TANGO2: variants seen among roughly 807,000 people sequenced by gnomAD.
TANGO2 encodes transport and Golgi organization protein 2 homolog.
In TANGO2, 26 loss-of-function variants were observed where a neutral mutation model predicts 39.1. The ratio of observed to expected loss-of-function variants is 0.67; its 90% CI spans 0.49 to 0.92. TANGO2 has a LOEUF of 0.92. Ranked by LOEUF, TANGO2 falls within the 40% of genes least tolerant of loss-of-function variation. The probability of loss-of-function intolerance (pLI) is 0.00; values close to 1 mark genes in which losing one functional copy is unlikely to be tolerated. For missense variants in TANGO2, 326 were observed against 360.1 expected (o/e 0.91, Z 0.77); for synonymous variants, 131 against 144.5 (o/e 0.91, Z 0.67).
intron 8 of TANGO2, 91 bp downstream of exon 8, chr22:20,063,533 G>A (rs950722343): frequency 4.3e-6 from 5 of 1,156,958 alleles, no homozygotes; most frequent in Non-Finnish European, 3.7e-6. Flanking sequence ...CCCATAGCCA[G>A]AGCCAGGCTT....
chr22:20,064,709 G>T lies in TANGO2; in HGVS notation c.*47G>T. ...GTGGGCTCCTGGGGGGCCCTGCCTTGAGGGGCACTGTGGACAGGAAACCTT... is the reference window on the plus strand; with the variant it reads ...GTGGGCTCCTGGGGGGCCCTGCCTTTAGGGGCACTGTGGACAGGAAACCTT... On this transcript the variant is annotated 3_prime_UTR_variant, in exon 9 of 9. Transcript: ENST00000327374. 6.2e-7 allele frequency: 1 copy of T among 1,608,340 alleles called. No homozygotes were observed. Among genetic ancestry groups the T allele is most frequent in the Non-Finnish European group, 8.5e-7 (1 of 1,177,230 alleles).
intron 1 of TANGO2, among the ~76,000 whole-genome samples, chr22:20,034,146 G>A (rs746624407): frequency 5.3e-5 from 8 of 152,252 alleles, no homozygotes; most frequent in African/African-American, 1.2e-4. Flanking sequence ...CGGAGGTTGC[G>A]GTGAGCCGAG....
At chr22:20,037,160 C>T (rs756484485) in intron 2 of TANGO2, 357 of 1,472,696 alleles carry the variant, frequency 2.4e-4, no homozygotes, top group Non-Finnish European at 2.9e-4. Context: ...GAGGGTCGGG[C>T]GGCAGAACTG....
rs891511165 is a variant in TANGO2, at chr22:20,065,698, T to G, written c.*1036T>G. On this transcript the variant is annotated 3_prime_UTR_variant, in exon 9 of 9. Coordinates refer to ENST00000327374, the MANE Select transcript of TANGO2 (RefSeq NM_152906.7). The stretch of plus-strand genomic sequence containing the variant: ...CATTGCTAGATTCAGTGCCCTTGAG[T>G]GTGCCAGAGGTCCTCTGTGTTTGAG... 1.3e-5 allele frequency: 2 copies of G among 152,214 alleles called. No homozygotes were observed. The highest frequency in any genetic ancestry group is 2.9e-5 in the Non-Finnish European group (2 of 68,080). The allele number at this position is 152,214 out of a possible 1,614,324, so 9.4% of individuals were successfully genotyped here.
intron 2 of TANGO2, among the ~76,000 whole-genome samples, chr22:20,042,156 A>AT (rs695721): frequency 0.087 from 13,037 of 149,618 alleles, 711 homozygotes; most frequent in African/African-American, 0.15. Context: ...TAATTTTTGT[A>AT]TTTTTTTTTT....
intron 1 of TANGO2, among the ~76,000 whole-genome samples, chr22:20,025,323 C>T (rs767287974): frequency 4.6e-5 from 7 of 151,870 alleles, no homozygotes; most frequent in Non-Finnish European, 1.0e-4. Context: ...GAACTCCTGA[C>T]CTCAGGTGAT....
At chr22:20,050,108 G>A (rs2046015383) in intron 3 of TANGO2, among the ~76,000 whole-genome samples, 1 of 152,024 alleles carries the variant, frequency 6.6e-6, no homozygotes, top group Non-Finnish European at 1.5e-5. Context: ...CTACTTGGGA[G>A]GCTGAGGCAG....
At chr22:20,060,565 T>C (rs1404187138) in intron 6 of TANGO2, among the ~76,000 whole-genome samples, 1 of 152,096 alleles carries the variant, frequency 6.6e-6, no homozygotes, top group African/African-American at 2.4e-5. Flanking sequence ...TCTCTTGACC[T>C]GAGTTAACTT....
At chr22:20,031,378 G>A (rs749125067) in intron 1 of TANGO2, among the ~76,000 whole-genome samples, 9 of 152,278 alleles carry the variant, frequency 5.9e-5, no homozygotes, top group East Asian at 1.9e-4. Context: ...TGAGAACAAC[G>A]CTTCTTTTCT....
intron 1 of TANGO2, among the ~76,000 whole-genome samples, chr22:20,028,323 C>G (rs980285270): frequency 1.3e-5 from 2 of 152,228 alleles, no homozygotes; most frequent in Non-Finnish European, 2.9e-5. Flanking sequence ...CTGTGTTTCA[C>G]AGGCTGGACT....
In TANGO2 at chr22:20,059,737, T is replaced by C. The variant is rs145531925; in HGVS notation, c.452-1793T>C. 3.7e-3 allele frequency among the ~76,000 whole-genome samples: 571 copies of C among 152,332 alleles called. 6 individuals carry two copies. Among genetic ancestry groups the C allele is most frequent in the African/African-American group, 0.013 (539 of 41,566 alleles). On this transcript the variant is annotated intron_variant, in intron 6 of 8. Transcript: ENST00000327374. The stretch of plus-strand genomic sequence containing the variant: ...CTTTTTGAGTTATAGGAGTGACTTA[T>C]ACATTCATTCTAGCTACAAGTCTCT...
At chr22:20,024,429 G>A (rs182760167) in intron 1 of TANGO2, among the ~76,000 whole-genome samples, 10 of 152,288 alleles carry the variant, frequency 6.6e-5, no homozygotes, top group Admixed American at 2.0e-4. Context: ...GGGAGCCCGC[G>A]TCACATGTCT....
At chr22:20,026,851 G>A (rs990193181) in intron 1 of TANGO2, among the ~76,000 whole-genome samples, 2 of 152,212 alleles carry the variant, frequency 1.3e-5, no homozygotes, top group Non-Finnish European at 2.9e-5. Flanking sequence ...CGTTAGCGGG[G>A]ACTTGGCCAA....
intron 1 of TANGO2, among the ~76,000 whole-genome samples, chr22:20,029,520 G>A (rs546552092): frequency 1.3e-5 from 2 of 152,292 alleles, no homozygotes; most frequent in African/African-American, 2.4e-5. Flanking sequence ...CTTAGAGGAC[G>A]GGAAGCCCTT....
chr22:20,028,968 C>T (rs896694577), intron 1 of TANGO2, among the ~76,000 whole-genome samples: 2 of 152,220 alleles, frequency 1.3e-5, no homozygotes, highest in South Asian at 2.1e-4. Context: ...AGGCCATGTG[C>T]GCATCCATCA....
chr22:20,040,991 C>T (rs187518868), intron 2 of TANGO2, among the ~76,000 whole-genome samples: 127 of 152,322 alleles, frequency 8.3e-4, no homozygotes, highest in Non-Finnish European at 1.7e-3. Flanking sequence ...ATAGCAGACC[C>T]CAAGGGCTCT....
At chr22:20,028,836 C>G (rs1270233542) in intron 1 of TANGO2, among the ~76,000 whole-genome samples, 1 of 152,228 alleles carries the variant, frequency 6.6e-6, no homozygotes, top group African/African-American at 2.4e-5. Flanking sequence ...CAGCATGGCC[C>G]TCGTCCCCCT....
At chr22:20,031,292 G>A (rs1447054428) in intron 1 of TANGO2, among the ~76,000 whole-genome samples, 2 of 152,168 alleles carry the variant, frequency 1.3e-5, no homozygotes, top group Non-Finnish European at 2.9e-5. Flanking sequence ...CCAGGAGTTC[G>A]AGGCTGCAGT....
chr22:20,045,942 C>A (rs2045093949), intron 3 of TANGO2, among the ~76,000 whole-genome samples: 1 of 151,988 alleles, frequency 6.6e-6, no homozygotes, highest in African/African-American at 2.4e-5. Flanking sequence ...GCCCCTAGAT[C>A]TTGAGGTTTT....
Sources: allele counts gnomAD v4.1 joint callset (sites outside exome capture counted in the v4.1 genomes callset), GRCh38; gene constraint gnomAD v4.1.1; transcripts MANE v1.5; gene names NCBI Gene and HGNC (gene_info 2026-07-23, HGNC 2026-07-21).